VSIG1: variants seen among roughly 807,000 people sequenced by gnomAD.
VSIG1 encodes V-set and immunoglobulin domain containing 1.
A neutral mutation model predicts 20.1 loss-of-function variants in VSIG1; 11 were observed. The ratio of observed to expected loss-of-function variants is 0.55; its 90% CI spans 0.34 to 0.91. The LOEUF is 0.91. Ranked by LOEUF, VSIG1 falls within the 40% of genes least tolerant of loss-of-function variation. The pLI, the probability that VSIG1 is intolerant of heterozygous loss-of-function variation, is 0.02. For synonymous variants in VSIG1, 126 were observed against 116.7 expected (o/e 1.08, Z -0.52); for missense variants, 283 against 298.8 (o/e 0.95, Z 0.39).
In VSIG1 at chrX:108,077,013, C is replaced by T. The variant is rs767511353; in HGVS notation, c.831-35C>T. ...ATGAAATTTCAAAGTTAGCATCTCC[C>T]TAACTTGTTCTTTTCTGGGCCTTCT... On this transcript the variant is annotated intron_variant, in intron 6 of 6. Transcript: ENST00000217957. The T allele has an allele frequency of 6.0e-6, 7 of 1,165,162 alleles. No homozygotes were observed. The East Asian group carries it at 1.8e-4, about 30-fold the overall frequency.
At chrX:108,073,394 G>A (rs761471419) in intron 5 of VSIG1, 25 bp downstream of exon 5, 21 of 1,203,861 alleles carry the variant, frequency 1.7e-5, no homozygotes, top group South Asian at 1.6e-4. Context: ...CAACTTTAAC[G>A]GTTTCTCCTT....
rs928619916 is a variant in VSIG1 at position 108,078,021 on chromosome X, C to G, written c.*640C>G. ...TGCGCCCGGCCTCTTTTTAGCTACT[C>G]TTATGTTCCACATGCACATATGACA... On this transcript the variant is annotated 3_prime_UTR_variant, in exon 7 of 7. Coordinates refer to ENST00000217957, the MANE Select transcript of VSIG1 (RefSeq NM_182607.5). 8.9e-6 allele frequency: 1 copy of G among 112,128 alleles called. No homozygotes were observed. Among genetic ancestry groups the G allele is most frequent in the Non-Finnish European group, 1.9e-5 (1 of 53,309 alleles). The allele number at this position is 112,128 out of a possible 1,213,427, so 9.2% of individuals were successfully genotyped here.
the VSIG1 span, among the ~76,000 whole-genome samples, chrX:108,022,655 A>G: frequency 8.9e-6 from 1 of 111,842 alleles, no homozygotes; most frequent in East Asian, 2.8e-4. Flanking sequence ...GTTTTTCATT[A>G]TTGGGTATGA....
chrX:108,052,252 C>A (rs1255871297), intron 1 of VSIG1, among the ~76,000 whole-genome samples: 19 of 110,261 alleles, frequency 1.7e-4, no homozygotes, highest in Admixed American at 4.8e-4. Flanking sequence ...AAAAAGTATT[C>A]AAAAAAATAA....
At chrX:108,034,384 A>G in the VSIG1 span, among the ~76,000 whole-genome samples, 1 of 112,012 alleles carries the variant, frequency 8.9e-6, no homozygotes, top group African/African-American at 3.2e-5. Context: ...TAGGAGTCAC[A>G]AGATCACACG....
chrX:108,052,115 C>T (rs1256753711), intron 1 of VSIG1, among the ~76,000 whole-genome samples: 1 of 111,220 alleles, frequency 9.0e-6, no homozygotes, highest in African/African-American at 3.3e-5. Flanking sequence ...TTCAAAACTG[C>T]TAAAAGCATA....
chrX:108,064,434 C>G (rs926958017), intron 2 of VSIG1, among the ~76,000 whole-genome samples: 4 of 111,740 alleles, frequency 3.6e-5, no homozygotes, highest in African/African-American at 1.3e-4. Context: ...GGCCTCATTG[C>G]TTATATACTC....
At chrX:108,038,883 A>G in the VSIG1 span, among the ~76,000 whole-genome samples, 23 of 111,700 alleles carry the variant, frequency 2.1e-4, no homozygotes, top group Non-Finnish European at 3.6e-4. Context: ...TTAACCCAAT[A>G]TATTCCAAAT....
the VSIG1 span, among the ~76,000 whole-genome samples, chrX:108,027,519 G>T: frequency 2.7e-5 from 3 of 111,769 alleles, no homozygotes; most frequent in Non-Finnish European, 5.7e-5. Flanking sequence ...ATGAGTGATT[G>T]CTTATGATTT....
chrX:108,063,884 C>A (rs1376386904), intron 2 of VSIG1, among the ~76,000 whole-genome samples: 2 of 111,330 alleles, frequency 1.8e-5, no homozygotes, highest in Non-Finnish European at 3.8e-5. Flanking sequence ...AAATCACCTC[C>A]TCCCCACCTC....
rs1253092890 is a variant in VSIG1, at chrX:108,058,167, C to T, written c.179C>T (p.Ser60Phe). ...CGAGAACAGCTTTCCATCCAGTGGT[C>T]TTTCTTCCATAAGAAGGAGATGGAG... The part of the protein sequence containing the change: ...ASREQLSIQW[S>F]FFHKKEMEPI... Residue 60 changes from serine to phenylalanine, a missense_variant, in exon 2 of 7, where the codon TCT becomes TTT. By Grantham distance (155) the Ser-to-Phe change is radical (BLOSUM62 -2). Transcript: ENST00000217957. The T allele has an allele frequency of 8.3e-7, 1 of 1,208,103 alleles. No homozygotes were observed. Among genetic ancestry groups the T allele is most frequent in the African/African-American group, 1.8e-5 (1 of 57,060 alleles).
intron 6 of VSIG1, 143 bp from the exon 7 acceptor site, chrX:108,076,905 C>T (rs746104631): frequency 4.2e-5 from 25 of 593,647 alleles, no homozygotes; most frequent in Non-Finnish European, 5.7e-5. Context: ...TATGGCCTGA[C>T]AATGAGTCAG....
rs1332425907 is a variant in VSIG1 at position 108,047,855 on chromosome X, TAC to T, written c.49+2680_49+2681del. ...ACACATATATATATACATATATATA[TAC>T]ACATATATATATACACATATATATA... is the stretch of plus-strand genomic sequence containing the variant. On this transcript the variant is annotated intron_variant, in intron 1 of 6. Coordinates refer to ENST00000217957, the MANE Select transcript of VSIG1 (RefSeq NM_182607.5). Among the ~76,000 whole-genome samples, 45 of 39,551 alleles carry T rather than the reference TAC, an allele frequency of 1.1e-3. 5 individuals carry two copies. Among genetic ancestry groups the T allele is most frequent in the African/African-American group, 6.7e-3 (44 of 6,594 alleles). The allele number at this position is 39,551 out of a possible 115,157, so 34.3% of individuals were successfully genotyped here.
intron 3 of VSIG1, among the ~76,000 whole-genome samples, chrX:108,069,885 G>A (rs967091809): frequency 1.8e-5 from 2 of 111,581 alleles, no homozygotes; most frequent in African/African-American, 3.3e-5. Flanking sequence ...AATTGGAGAA[G>A]GCTTATTGAG....
At chrX:108,071,478 A>C (rs1294807224) in intron 3 of VSIG1, among the ~76,000 whole-genome samples, 1 of 111,647 alleles carries the variant, frequency 9.0e-6, no homozygotes, top group Non-Finnish European at 1.9e-5. Context: ...AAGTAAGATG[A>C]ATGAGGAGAT....
At chrX:108,040,371 G>A (rs1190309489), upstream of VSIG1, among the ~76,000 whole-genome samples, 3 of 111,717 alleles carry the variant, frequency 2.7e-5, no homozygotes, top group East Asian at 2.8e-4. Flanking sequence ...CCACAGAGGA[G>A]GTTTACAGAG....
intron 1 of VSIG1, among the ~76,000 whole-genome samples, chrX:108,054,525 T>G (rs1291135650): frequency 9.0e-6 from 1 of 111,428 alleles, no homozygotes; most frequent in Non-Finnish European, 1.9e-5. Context: ...ACACACTTTT[T>G]TTTGGCACCT....
At chrX:108,018,892 G>A in the VSIG1 span, among the ~76,000 whole-genome samples, 6 of 111,610 alleles carry the variant, frequency 5.4e-5, no homozygotes, top group Non-Finnish European at 1.1e-4. Flanking sequence ...CTAGTCTTTG[G>A]GCCCTCGTGG....
At chrX:108,027,367 A>G in the VSIG1 span, among the ~76,000 whole-genome samples, 5 of 112,300 alleles carry the variant, frequency 4.5e-5, no homozygotes, top group East Asian at 1.4e-3. Context: ...TACAACATGG[A>G]TAATCCTTGA....
Sources: allele counts gnomAD v4.1 joint callset (sites outside exome capture counted in the v4.1 genomes callset), GRCh38; gene constraint gnomAD v4.1.1; transcripts MANE v1.5; gene names NCBI Gene and HGNC (gene_info 2026-07-23, HGNC 2026-07-21).